Variants in ERICH1 observed in about 807,000 individuals in gnomAD.
ERICH1 encodes glutamate-rich protein 1.
In ERICH1, 56 loss-of-function variants were observed where a neutral mutation model predicts 39.6. The observed-to-expected ratio is 1.41, with a 90% confidence interval of 1.14 to 1.77. ERICH1 has a LOEUF of 1.77. ERICH1 is among the 40% of genes most tolerant of loss of function. The pLI is 0.00. For synonymous variants in ERICH1, 313 were observed against 223.6 expected, an observed-to-expected ratio of 1.40 and a Z score of -3.57; for missense variants, 826 against 575.4, an observed-to-expected ratio of 1.44 and a Z score of -4.45.
At chr8:715,151 G>A (rs1383187808) in intron 2 of ERICH1, among the ~76,000 whole-genome samples, 2 of 151,304 alleles carry the variant, frequency 1.3e-5, no homozygotes, top group Non-Finnish European at 2.9e-5. Context: ...GGGATGTGCT[G>A]CACCCAGGTG....
rs572701305 is a variant in ERICH1, at chr8:719,753, T to G, written c.23-3746A>C. On this transcript the variant is annotated intron_variant, in intron 1 of 5. Coordinates refer to ENST00000262109, the MANE Select transcript of ERICH1 (RefSeq NM_207332.3). ...GCCCACACTTGCACATGTATTGAAT[T>G]ATTACCTTTGTGCTATTTAATACTT... Among the ~76,000 whole-genome samples the G allele has an allele frequency of 2.0e-3, 309 of 152,328 alleles. 2 individuals are homozygous for G. Among genetic ancestry groups the G allele is most frequent in the Middle Eastern group, 0.014 (4 of 294 alleles).
chr8:673,888 G>C lies in ERICH1; in HGVS notation c.464C>G (p.Thr155Ser). 9 of 1,613,448 alleles carry C rather than the reference G, an allele frequency of 5.6e-6. No individual in the cohort carries two copies. Among genetic ancestry groups the C allele is most frequent in the Non-Finnish European group, 7.6e-6 (9 of 1,179,992 alleles). The change falls in exon 4 of 6, where the codon ACC becomes AGC. Residue 155 changes from threonine (T) to serine (S), a missense_variant. Thr to Ser is a moderately conservative substitution (Grantham distance 58). Transcript: ENST00000262109. The stretch of plus-strand genomic sequence containing the variant: ...CCTTTTTTTATTTTTGCTTATTGTG[G>C]TGCCATCTGTGTGCTGTCGCTGAGA... ...EKSQRQHTDG[T>S]TISKNKKRKL...
At chr8:714,894 C>A (rs182160661) in intron 2 of ERICH1, among the ~76,000 whole-genome samples, 243 of 152,282 alleles carry the variant, frequency 1.6e-3, no homozygotes, top group African/African-American at 5.7e-3. Context: ...GGATGTGCTG[C>A]ACAGAGGTGA....
chr8:617,558 T>C (rs1797000058), intron 3 of ERICH1, among the ~76,000 whole-genome samples: 1 of 151,866 alleles, frequency 6.6e-6, no homozygotes, highest in Admixed American at 6.6e-5. Context: ...CAGTACTTGG[T>C]ACTCAGTCTT....
chr8:623,831 C>G (rs1417914779), intron 3 of ERICH1, among the ~76,000 whole-genome samples: 3 of 152,120 alleles, frequency 2.0e-5, no homozygotes, highest in Admixed American at 6.5e-5. Context: ...GTCTTCATGA[C>G]CTTGGATCAG....
Position 644,906 on chromosome 8 carries a change from C to T in ERICH1, c.976+23692G>A, listed in dbSNP as rs575867405. On this transcript the variant is annotated intron_variant, in intron 3 of 3. Coordinates refer to the ERICH1 transcript ENST00000522706. ...AAGCCCAACAGATGCTGAGCACTTG[C>T]GGGAGGCTGGGACCCGAACACACTG... 4.3e-5 allele frequency among the ~76,000 whole-genome samples: 3 copies of T among 69,032 alleles called. 1 individual carries two copies. Among genetic ancestry groups the T allele is most frequent in the Non-Finnish European group, 9.1e-5 (2 of 21,970 alleles). The allele number at this position is 69,032 out of a possible 152,430, so 45.3% of individuals were successfully genotyped here.
At chr8:676,467 G>C (rs189114641) in intron 3 of ERICH1, among the ~76,000 whole-genome samples, 724 of 51,982 alleles carry the variant, frequency 0.014, 30 homozygotes, top group Non-Finnish European at 0.019. Context: ...AGACGCGGCG[G>C]CCCCTCGGCG....
chr8:630,943 A>G (rs146449720), intron 3 of ERICH1, among the ~76,000 whole-genome samples: 1 of 99,800 alleles, frequency 1.0e-5, no homozygotes, highest in South Asian at 3.8e-4. Flanking sequence ...CAGAGCTGAC[A>G]CACACCCTCC....
intron 2 of ERICH1, among the ~76,000 whole-genome samples, chr8:694,635 G>A (rs1585380010): frequency 6.6e-6 from 1 of 152,216 alleles, no homozygotes; most frequent in African/African-American, 2.4e-5. Flanking sequence ...CAGGCACCAC[G>A]CAGACAGGAG....
chr8:730,989 T>G (rs1311568677), intron 1 of ERICH1, 151 bp downstream of exon 1: 8 of 840,834 alleles, frequency 9.5e-6, no homozygotes, highest in South Asian at 3.6e-5. Context: ...GAGCGGGGGA[T>G]GGGTAGGGAC....
At chr8:718,071 C>T (rs1276330082) in intron 1 of ERICH1, among the ~76,000 whole-genome samples, 2 of 152,016 alleles carry the variant, frequency 1.3e-5, no homozygotes, top group African/African-American at 4.8e-5. Context: ...TCAGAGCGCA[C>T]TGAGAAACCG....
At chr8:653,206 A>G (rs188106971) in intron 3 of ERICH1, among the ~76,000 whole-genome samples, 68 of 152,374 alleles carry the variant, frequency 4.5e-4, no homozygotes, top group African/African-American at 1.3e-3. Flanking sequence ...CACCATGTCC[A>G]TCTACAGATC....
chr8:689,774 C>A (rs931511458), intron 3 of ERICH1, among the ~76,000 whole-genome samples: 1 of 152,218 alleles, frequency 6.6e-6, no homozygotes, highest in Non-Finnish European at 1.5e-5. Flanking sequence ...GCGGTCTACA[C>A]AGGAGAAGAC....
intron 3 of ERICH1, among the ~76,000 whole-genome samples, chr8:624,007 C>T (rs181005349): frequency 7.9e-5 from 12 of 152,154 alleles, no homozygotes; most frequent in African/African-American, 1.4e-4. Flanking sequence ...TCTAATCTAA[C>T]GAGGGACTAA....
chr8:630,402 C>A (rs1465237927), intron 3 of ERICH1, among the ~76,000 whole-genome samples: 6 of 145,732 alleles, frequency 4.1e-5, no homozygotes. Context: ...ACAGAGCTGA[C>A]TCACACCCTC....
At chr8:653,426 G>A (rs1205747138) in intron 3 of ERICH1, among the ~76,000 whole-genome samples, 3 of 152,192 alleles carry the variant, frequency 2.0e-5, no homozygotes, top group East Asian at 1.9e-4. Flanking sequence ...GTAGACTGCC[G>A]AGTGTTCAAA....
At chr8:687,243 A>C (rs1176882225) in intron 3 of ERICH1, among the ~76,000 whole-genome samples, 1 of 152,218 alleles carries the variant, frequency 6.6e-6, no homozygotes, top group Non-Finnish European at 1.5e-5. Context: ...TGAGCACAGA[A>C]TCTGAGTCAA....
chr8:623,380 G>C (rs1156897615), intron 3 of ERICH1, among the ~76,000 whole-genome samples: 1 of 152,088 alleles, frequency 6.6e-6, no homozygotes, highest in Non-Finnish European at 1.5e-5. Context: ...AGAAATCGAA[G>C]GAAACCTCCT....
chr8:648,849 T>C lies in ERICH1; in HGVS notation c.976+19749A>G, dbSNP rs1459934106. Among the ~76,000 whole-genome samples, 173 of 69,880 alleles carry C rather than the reference T, an allele frequency of 2.5e-3. 62 individuals carry two copies. Among genetic ancestry groups the C allele is most frequent in the Middle Eastern group, 0.017 (2 of 116 alleles). The allele number at this position is 69,880 out of a possible 152,430, so 45.8% of individuals were successfully genotyped here. On this transcript the variant is annotated intron_variant, in intron 3 of 3. Coordinates refer to the ERICH1 transcript ENST00000522706. Reference sequence around the variant, plus strand: ...AGGAAATTTAACAATTGCATAATGATAGTAGATTCTAATATAAAATACTGG... The same window carrying C: ...AGGAAATTTAACAATTGCATAATGACAGTAGATTCTAATATAAAATACTGG...
Sources: allele counts gnomAD v4.1 joint callset (sites outside exome capture counted in the v4.1 genomes callset), GRCh38; gene constraint gnomAD v4.1.1; transcripts MANE v1.5; gene names NCBI Gene and HGNC (gene_info 2026-07-23, HGNC 2026-07-21).